The following PKHD1 variants were observed in gnomAD, a reference collection of about 807,000 sequenced individuals.
PKHD1 encodes the protein fibrocystin.
A neutral mutation model predicts 412.0 loss-of-function variants in PKHD1; 291 were observed. The ratio of observed to expected loss-of-function variants is 0.71; its 90% CI spans 0.64 to 0.78. PKHD1 has a LOEUF of 0.78. Among genes scored for constraint, PKHD1 ranks in the 30% least tolerant of loss-of-function variants. The probability of loss-of-function intolerance (pLI) is 0.00; values close to 1 mark genes in which losing one functional copy is unlikely to be tolerated. For synonymous variants in PKHD1, 1,777 were observed against 1,821.5 expected (o/e 0.98, Z 0.62); for missense variants, 4,825 against 4,950.7 (o/e 0.97, Z 0.76).
intron 37 of PKHD1, among the ~76,000 whole-genome samples, chr6:51,918,556 A>G (rs995719977): frequency 6.6e-6 from 1 of 152,136 alleles, no homozygotes; most frequent in African/African-American, 2.4e-5. Context: ...AGTATTCCAC[A>G]GTATAGATGT....
intron 43 of PKHD1, among the ~76,000 whole-genome samples, chr6:51,891,600 T>C (rs944166362): frequency 6.6e-6 from 1 of 151,842 alleles, no homozygotes; most frequent in Non-Finnish European, 1.5e-5. Context: ...TTATTAAGGG[T>C]AACTCTCTGA....
intron 52 of PKHD1, among the ~76,000 whole-genome samples, chr6:51,811,004 T>G (rs1430126778): frequency 6.6e-6 from 1 of 152,176 alleles, no homozygotes; most frequent in Non-Finnish European, 1.5e-5. Context: ...ACAGGTACAT[T>G]GGATTTAGTA....
At chr6:51,811,414 C>T (rs1764663484) in intron 52 of PKHD1, among the ~76,000 whole-genome samples, 1 of 152,182 alleles carries the variant, frequency 6.6e-6, no homozygotes, top group Non-Finnish European at 1.5e-5. Context: ...GGTAACTACA[C>T]TGTCATTTAA....
In PKHD1 at chr6:52,024,839, G is replaced by A. The variant is rs1370947250; in HGVS notation, c.4971C>T (p.Thr1657=). 1 of 1,614,020 alleles carries A rather than the reference G, an allele frequency of 6.2e-7. No individual in the cohort carries two copies. Among genetic ancestry groups the A allele is most frequent in the Non-Finnish European group, 8.5e-7 (1 of 1,180,022 alleles). Residue 1657 remains threonine, a synonymous_variant, in exon 32 of 67, where the codon ACC becomes ACT. Coordinates refer to ENST00000371117, the MANE Select transcript of PKHD1 (RefSeq NM_138694.4). ...TCTGAGAAATAGAGATCAATTCTGG[G>A]GTAAAGGCCTTGTTATAACCAATGA... ...IGVIGYNKAF[T]PELISISQSD...
chr6:51,702,754 GGA>G (rs1338740076), intron 60 of PKHD1, among the ~76,000 whole-genome samples: 1 of 151,692 alleles, frequency 6.6e-6, no homozygotes, highest in Non-Finnish European at 1.5e-5. Context: ...TTTGATAAAT[GGA>G]GAGAGTATTT....
At chr6:51,966,148 A>T (rs1792767961) in intron 35 of PKHD1, among the ~76,000 whole-genome samples, 1 of 152,184 alleles carries the variant, frequency 6.6e-6, no homozygotes, top group Admixed American at 6.6e-5. Flanking sequence ...TTGAGGATGC[A>T]TGCCCATGAC....
At chr6:51,883,952 G>A (rs1777796184) in intron 45 of PKHD1, among the ~76,000 whole-genome samples, 1 of 152,104 alleles carries the variant, frequency 6.6e-6, no homozygotes. Context: ...GCAGCAAGAA[G>A]GTCCTCAGAA....
intron 53 of PKHD1, among the ~76,000 whole-genome samples, chr6:51,776,918 C>T (rs1791114270): frequency 6.6e-6 from 1 of 151,920 alleles, no homozygotes; most frequent in South Asian, 2.1e-4. Flanking sequence ...GGGAATTTGT[C>T]AAATTAGCGT....
chr6:51,910,337 A>G (rs1247204628), intron 39 of PKHD1, among the ~76,000 whole-genome samples: 1 of 152,138 alleles, frequency 6.6e-6, no homozygotes, highest in Non-Finnish European at 1.5e-5. Flanking sequence ...ACACTGTATC[A>G]TATCACAGTA....
rs372945752 is a variant in PKHD1 at position 51,903,629 on chromosome 6, T to C, written c.6964A>G (p.Ile2322Val). 5 of 1,611,452 alleles carry C rather than the reference T, an allele frequency of 3.1e-6. No individual in the cohort carries two copies. The highest frequency in any genetic ancestry group is 1.1e-5 in the South Asian group (1 of 91,040). ...SNPEMLTPSG[I>V]YICSPTNVIE... ...ACATTGGTGGGACTGCAGATATAGA[T>C]GCCAGATGGTGTCAACATTTCAGGA... The change falls in exon 43 of 67, where the codon ATC becomes GTC. Residue 2322 changes from isoleucine (I) to valine (V), a missense_variant. Physicochemically the swap from Ile to Val is conservative, Grantham distance 29. Coordinates refer to ENST00000371117, the MANE Select transcript of PKHD1 (RefSeq NM_138694.4).
intron 10 of PKHD1, 82 bp from the exon 11 acceptor site, chr6:52,069,609 A>G (rs949247134): frequency 2.1e-6 from 2 of 964,668 alleles, no homozygotes; most frequent in East Asian, 4.8e-5. Flanking sequence ...TGAAAGGAAG[A>G]TTGGGAACTA....
rs1393441361 is a variant in PKHD1 at position 52,065,976 on chromosome 6, C to T, written c.880G>A (p.Gly294Ser). 6 of 1,441,032 alleles carry T rather than the reference C, an allele frequency of 4.2e-6. No individual in the cohort carries two copies. The highest frequency in any genetic ancestry group is 2.3e-5 in the South Asian group (2 of 87,638). The allele number at this position is 1,441,032 out of a possible 1,614,324, so 89.3% of individuals were successfully genotyped here. ...TTTTCAGCCATTTCATCATAGTTAC[C>T]TGCAATGGTAACCTGGGCAGAATTG... ...FDNSAQVTIA[G>S]IPCDIRHVSP... Residue 294 changes from glycine to serine, a missense_variant and splice_region_variant, in exon 12 of 67, where the codon GGC (glycine) becomes AGC (serine). Physicochemically the swap from Gly to Ser is moderately conservative, Grantham distance 56 (BLOSUM62 0). Transcript: ENST00000371117.
At chr6:52,059,887 A>G (rs956743854) in intron 15 of PKHD1, 41 bp downstream of exon 15, 5 of 939,798 alleles carry the variant, frequency 5.3e-6, no homozygotes, top group Non-Finnish European at 8.9e-6. Flanking sequence ...TGGGTATGGG[A>G]CTGGCAACAG....
chr6:51,724,567 A>ACTAT (rs1220974291), intron 60 of PKHD1, among the ~76,000 whole-genome samples: 2 of 152,110 alleles, frequency 1.3e-5, no homozygotes, highest in Admixed American at 1.3e-4. Flanking sequence ...CTCTACTATT[A>ACTAT]CTATCTATCT....
At chr6:51,829,011 T>G (rs1205366581) in intron 52 of PKHD1, among the ~76,000 whole-genome samples, 1 of 152,082 alleles carries the variant, frequency 6.6e-6, no homozygotes, top group African/African-American at 2.4e-5. Context: ...TACACACCTG[T>G]TTTTCACTCA....
intron 37 of PKHD1, among the ~76,000 whole-genome samples, chr6:51,915,476 C>G (rs1378053922): frequency 6.6e-6 from 1 of 152,056 alleles, no homozygotes; most frequent in African/African-American, 2.4e-5. Context: ...AATATCAATG[C>G]CTTTCACAGT....
intron 33 of PKHD1, among the ~76,000 whole-genome samples, chr6:52,019,714 G>A (rs1291776011): frequency 6.6e-6 from 1 of 152,188 alleles, no homozygotes; most frequent in African/African-American, 2.4e-5. Flanking sequence ...CCATGAAAAT[G>A]TCATGTGGTA....
At chr6:51,842,449 T>A (rs940843156) in intron 50 of PKHD1, among the ~76,000 whole-genome samples, 7 of 152,194 alleles carry the variant, frequency 4.6e-5, no homozygotes, top group African/African-American at 1.4e-4. Flanking sequence ...AAAAGTAAGT[T>A]GACCCCTGAC....
chr6:51,690,103 C>T (rs1407937570), intron 60 of PKHD1, among the ~76,000 whole-genome samples: 1 of 151,758 alleles, frequency 6.6e-6, no homozygotes, highest in African/African-American at 2.4e-5. Flanking sequence ...GAAACCCCGT[C>T]TCTACTAAAA....
Sources: gnomAD v4.1 joint callset for allele counts (sites outside exome capture counted in the v4.1 genomes callset) on GRCh38, gnomAD v4.1.1 for gene constraint, MANE v1.5 for transcripts, NCBI Gene and HGNC (gene_info 2026-07-23, HGNC 2026-07-21) for gene names.